The following SNTB1 variants were observed in gnomAD, a reference collection of about 807,000 sequenced individuals.
SNTB1 encodes syntrophin beta 1.
A neutral mutation model predicts 48.9 loss-of-function variants in SNTB1; 36 were observed. That is an observed-to-expected ratio of 0.74 (90% CI 0.56 to 0.97). SNTB1 has a LOEUF of 0.97. SNTB1 is among the 50% of genes least tolerant of loss of function. SNTB1 has a pLI of 0.00. For missense variants in SNTB1, 786 were observed against 703.4 expected, an observed-to-expected ratio of 1.12 and a Z score of -1.33; for synonymous variants, 299 against 294.6, an observed-to-expected ratio of 1.01 and a Z score of -0.15.
At chr8:120,692,096 T>G (rs72682542) in intron 2 of SNTB1, among the ~76,000 whole-genome samples, 17,487 of 152,176 alleles carry the variant, frequency 0.11, 2,141 homozygotes, top group African/African-American at 0.3. Flanking sequence ...ACTTGCTGGC[T>G]TTCTTGTACA....
At chr8:120,543,927 T>G (rs564892019) in intron 5 of SNTB1, among the ~76,000 whole-genome samples, 1 of 151,202 alleles carries the variant, frequency 6.6e-6, no homozygotes, top group African/African-American at 2.4e-5. Flanking sequence ...GAGATTGTGC[T>G]GATAGCACTG....
rs9720158 is a variant in SNTB1, at chr8:120,647,285, T to C, written c.789-14634A>G. Among the ~76,000 whole-genome samples, 908 of 134,428 alleles carry C rather than the reference T, an allele frequency of 6.8e-3. 2 individuals are homozygous for C. Among genetic ancestry groups the C allele is most frequent in the Admixed American group, 0.014 (184 of 12,906 alleles). The allele number at this position is 134,428 out of a possible 152,430, so 88.2% of individuals were successfully genotyped here. On this transcript the variant is annotated intron_variant, in intron 2 of 6. Transcript: ENST00000517992. ...GGTGTCAATTTTGGATCTTTCCTGCTTTCTCTTGTGGGCATTTAGTGCTAT... is the reference window on the plus strand; with the variant it reads ...GGTGTCAATTTTGGATCTTTCCTGCCTTCTCTTGTGGGCATTTAGTGCTAT...
intron 4 of SNTB1, among the ~76,000 whole-genome samples, chr8:120,561,908 T>C (rs1815667009): frequency 6.6e-6 from 1 of 152,216 alleles, no homozygotes; most frequent in Non-Finnish European, 1.5e-5. Context: ...GAGGAAGGCA[T>C]CTGCAGGCCT....
chr8:120,590,102 A>G (rs1016258379), intron 3 of SNTB1, among the ~76,000 whole-genome samples: 2 of 152,160 alleles, frequency 1.3e-5, no homozygotes, highest in African/African-American at 4.8e-5. Context: ...GGCTCATCCT[A>G]CACTGCAAAG....
At chr8:120,580,664 G>A (rs533414421) in intron 3 of SNTB1, among the ~76,000 whole-genome samples, 7 of 152,306 alleles carry the variant, frequency 4.6e-5, no homozygotes, top group Middle Eastern at 3.4e-3. Flanking sequence ...AGTCTGTTTC[G>A]CCTCAGGTTG....
At chr8:120,658,542 C>T (rs10094441) in intron 2 of SNTB1, among the ~76,000 whole-genome samples, 7 of 152,050 alleles carry the variant, frequency 4.6e-5, no homozygotes, top group East Asian at 1.9e-4. Flanking sequence ...TTTGGTTTCC[C>T]AGTGCATGTA....
At chr8:120,612,099 A>G (rs996120881) in intron 3 of SNTB1, among the ~76,000 whole-genome samples, 1 of 152,162 alleles carries the variant, frequency 6.6e-6, no homozygotes, top group Non-Finnish European at 1.5e-5. Context: ...CTAAAATTTA[A>G]CACTGGCACT....
At chr8:120,550,544 A>AAC (rs1471942517) in intron 4 of SNTB1, among the ~76,000 whole-genome samples, 10 of 116,296 alleles carry the variant, frequency 8.6e-5, no homozygotes, top group Non-Finnish European at 6.5e-5. Flanking sequence ...TCTGTCTTTA[A>AAC]AAAAAAAAAA....
chr8:120,632,460 C>A lies in SNTB1; in HGVS notation c.980G>T (p.Gly327Val), dbSNP rs1398375221. The stretch of plus-strand genomic sequence containing the variant: ...TTTCCTTACCTTTTCTGCAAGCCAG[C>A]CAAGATGCCTAATCTCTCGGCTCCC... ...IAGSREIRHLGWLAEKVPGES... is the reference protein window; with the variant it reads ...IAGSREIRHLVWLAEKVPGES... Residue 327 changes from glycine (G) to valine (V), a missense_variant, in exon 3 of 7, where the codon GGC becomes GTC. Physicochemically the swap from Gly to Val is moderately radical, Grantham distance 109. Transcript: ENST00000517992. The A allele has an allele frequency of 1.9e-6, 3 of 1,614,036 alleles. No homozygotes were observed. Among genetic ancestry groups the A allele is most frequent in the South Asian group, 1.1e-5 (1 of 91,070 alleles).
At chr8:120,769,232 A>G (rs1369711626) in intron 1 of SNTB1, 1 of 150,608 alleles carries the variant, frequency 6.6e-6, no homozygotes, top group Non-Finnish European at 1.5e-5. Flanking sequence ...AATAGAGTTG[A>G]TTATTTTGAT....
chr8:120,670,597 T>C (rs1289017507), intron 2 of SNTB1, among the ~76,000 whole-genome samples: 5 of 152,190 alleles, frequency 3.3e-5, no homozygotes, highest in Non-Finnish European at 1.5e-5. Context: ...CTCTATTTAC[T>C]TAGTATTTTG....
chr8:120,543,525 G>A (rs1156560128), intron 5 of SNTB1, among the ~76,000 whole-genome samples: 2 of 152,102 alleles, frequency 1.3e-5, no homozygotes, highest in African/African-American at 2.4e-5. Flanking sequence ...TCACTACCCG[G>A]GTTGTTTGGC....
chr8:120,659,893 A>G (rs748543545), intron 2 of SNTB1, among the ~76,000 whole-genome samples: 24 of 152,232 alleles, frequency 1.6e-4, no homozygotes, highest in Non-Finnish European at 3.4e-4. Flanking sequence ...ATCTCCTTGT[A>G]TATCTCCATC....
intron 4 of SNTB1, among the ~76,000 whole-genome samples, chr8:120,549,663 AG>A (rs1815445600): frequency 6.6e-6 from 1 of 152,252 alleles, no homozygotes; most frequent in Admixed American, 6.5e-5. Flanking sequence ...CTGAAAGGCC[AG>A]ACTTGAAAGA....
chr8:120,771,933 G>T (rs915991642), intron 1 of SNTB1, among the ~76,000 whole-genome samples: 1 of 152,018 alleles, frequency 6.6e-6, no homozygotes, highest in African/African-American at 2.4e-5. Flanking sequence ...GCAGTGGCAC[G>T]CACTTGGCTC....
intron 1 of SNTB1, among the ~76,000 whole-genome samples, chr8:120,784,954 C>A (rs1819897692): frequency 6.6e-6 from 1 of 152,224 alleles, no homozygotes; most frequent in South Asian, 2.1e-4. Flanking sequence ...AGGGGGAAGG[C>A]CTCAACCCTA....
chr8:120,626,908 T>C (rs541195215), intron 3 of SNTB1, among the ~76,000 whole-genome samples: 5 of 152,362 alleles, frequency 3.3e-5, no homozygotes, highest in South Asian at 4.1e-4. Flanking sequence ...ATTCCATTTA[T>C]GTTTGATGCA....
chr8:120,754,514 C>A (rs1427389790), intron 1 of SNTB1, among the ~76,000 whole-genome samples: 1 of 152,070 alleles, frequency 6.6e-6, no homozygotes. Flanking sequence ...AAAAAGAAAT[C>A]TAGTTCTGGG....
intron 2 of SNTB1, among the ~76,000 whole-genome samples, chr8:120,632,919 T>C (rs1490117098): frequency 2.0e-5 from 3 of 152,224 alleles, no homozygotes; most frequent in Non-Finnish European, 2.9e-5. Flanking sequence ...GATTTTCTTG[T>C]TACTCAGCTG....
Sources: gnomAD v4.1 joint callset for allele counts (sites outside exome capture counted in the v4.1 genomes callset) on GRCh38, gnomAD v4.1.1 for gene constraint, MANE v1.5 for transcripts, NCBI Gene and HGNC (gene_info 2026-07-23, HGNC 2026-07-21) for gene names.